Variants in PAPSS1 observed in about 807,000 individuals in gnomAD.
The protein encoded by PAPSS1 is bifunctional 3'-phosphoadenosine 5'-phosphosulfate synthase 1.
In PAPSS1, 50 loss-of-function variants were observed where a neutral mutation model predicts 72.0. The observed-to-expected ratio is 0.69, with a 90% confidence interval of 0.55 to 0.88. PAPSS1 has a LOEUF of 0.88. Among genes scored for constraint, PAPSS1 ranks in the 40% least tolerant of loss-of-function variants. The pLI is 0.00. For synonymous variants in PAPSS1, 261 were observed against 263.6 expected, an observed-to-expected ratio of 0.99 and a Z score of 0.09; for missense variants, 657 against 782.2, an observed-to-expected ratio of 0.84 and a Z score of 1.91.
At chr4:107,693,488 T>C (rs541705343) in intron 3 of PAPSS1, among the ~76,000 whole-genome samples, 6 of 152,330 alleles carry the variant, frequency 3.9e-5, no homozygotes, top group East Asian at 3.9e-4. Context: ...AGTTGAAAAG[T>C]TGAGCCTGAA....
chr4:107,641,577 TA>T, intron 10 of PAPSS1, among the ~76,000 whole-genome samples: 1 of 152,350 alleles, frequency 6.6e-6, no homozygotes, highest in Non-Finnish European at 1.5e-5. Context: ...AAAACAAGAA[TA>T]AAACCTTCCT....
chr4:107,634,721 T>C (rs1018252535), intron 10 of PAPSS1, among the ~76,000 whole-genome samples: 1 of 151,564 alleles, frequency 6.6e-6, no homozygotes, highest in Non-Finnish European at 1.5e-5. Flanking sequence ...TTACACAAGT[T>C]GGAAAAAAAA....
chr4:107,655,525 GCA>G (rs992599546), intron 7 of PAPSS1, among the ~76,000 whole-genome samples: 18 of 152,098 alleles, frequency 1.2e-4, no homozygotes, highest in Non-Finnish European at 4.4e-5. Context: ...GATACTAAAG[GCA>G]CAGTCTCAGC....
At chr4:107,718,185 G>A (rs935815031) in intron 1 of PAPSS1, among the ~76,000 whole-genome samples, 1 of 152,158 alleles carries the variant, frequency 6.6e-6, no homozygotes, top group Non-Finnish European at 1.5e-5. Flanking sequence ...ATATGAGAGA[G>A]GAAGAGATGA....
intron 4 of PAPSS1, among the ~76,000 whole-genome samples, chr4:107,683,113 T>C (rs1391532919): frequency 1.3e-5 from 2 of 152,194 alleles, no homozygotes; most frequent in Admixed American, 6.6e-5. Flanking sequence ...CATTCAAGGC[T>C]TGTCTATCTC....
intron 5 of PAPSS1, among the ~76,000 whole-genome samples, chr4:107,678,471 G>C (rs1727719527): frequency 6.6e-6 from 1 of 152,186 alleles, no homozygotes; most frequent in East Asian, 1.9e-4. Flanking sequence ...GTGAAAAAAA[G>C]CAGTGAGATG....
At chr4:107,711,065 A>G (rs1451184774) in intron 1 of PAPSS1, among the ~76,000 whole-genome samples, 1 of 152,222 alleles carries the variant, frequency 6.6e-6, no homozygotes, top group African/African-American at 2.4e-5. Flanking sequence ...ATTTTCCACA[A>G]TGCCCAACCT....
At chr4:107,676,590 A>G (rs563677376) in intron 5 of PAPSS1, among the ~76,000 whole-genome samples, 21 of 152,286 alleles carry the variant, frequency 1.4e-4, no homozygotes, top group African/African-American at 2.6e-4. Flanking sequence ...AATCAATATC[A>G]TGAAAATGGC....
chr4:107,619,921 T>C (rs1353890274), intron 11 of PAPSS1, among the ~76,000 whole-genome samples: 2 of 152,190 alleles, frequency 1.3e-5, no homozygotes, highest in African/African-American at 4.8e-5. Context: ...TGTGAAACCC[T>C]TCATAACATA....
Position 107,614,190 on chromosome 4 carries a change from T to A in PAPSS1, c.*59A>T. ...ACCACAAAGAAATGCCAACAGAGACTATGTGGTCCCCTCTTGTTACTAGTA... is the reference window on the plus strand; with the variant it reads ...ACCACAAAGAAATGCCAACAGAGACAATGTGGTCCCCTCTTGTTACTAGTA... On this transcript the variant is annotated 3_prime_UTR_variant, in exon 12 of 12. Coordinates refer to ENST00000265174, the MANE Select transcript of PAPSS1 (RefSeq NM_005443.5). 2 of 1,522,176 alleles carry A rather than the reference T, an allele frequency of 1.3e-6. No homozygotes were observed. Among genetic ancestry groups the A allele is most frequent in the Non-Finnish European group, 1.8e-6 (2 of 1,112,064 alleles). The allele number at this position is 1,522,176 out of a possible 1,614,324, so 94.3% of individuals were successfully genotyped here. A position where few individuals can be genotyped will look rare whatever the true frequency, so the allele number is the denominator to read the frequency against.
chr4:107,681,331 G>A (rs966950763), intron 5 of PAPSS1, among the ~76,000 whole-genome samples: 2 of 152,138 alleles, frequency 1.3e-5, no homozygotes, highest in African/African-American at 4.8e-5. Context: ...CCCACATAGA[G>A]GCCAGATCCT....
intron 3 of PAPSS1, among the ~76,000 whole-genome samples, chr4:107,691,950 T>G (rs754062431): frequency 5.2e-5 from 7 of 133,450 alleles, no homozygotes; most frequent in African/African-American, 1.6e-4. Flanking sequence ...TGGGAAAGGA[T>G]TCTCTATTTA....
intron 9 of PAPSS1, among the ~76,000 whole-genome samples, chr4:107,653,098 CATATGAATAT>C (rs1207545595): frequency 4.1e-5 from 6 of 144,780 alleles, no homozygotes; most frequent in Admixed American, 7.0e-5. Flanking sequence ...TATATGAATA[CATATGAATAT>C]ATATGAATAT....
intron 2 of PAPSS1, among the ~76,000 whole-genome samples, chr4:107,700,931 GCTAT>G (rs762104321): frequency 2.4e-4 from 36 of 151,866 alleles, no homozygotes; most frequent in Non-Finnish European, 4.6e-4. Context: ...AATTTAATGT[GCTAT>G]CTATGAAAAA....
chr4:107,640,279 T>C (rs190119704), intron 10 of PAPSS1, among the ~76,000 whole-genome samples: 1 of 152,272 alleles, frequency 6.6e-6, no homozygotes, highest in African/African-American at 2.4e-5. Context: ...CCTCGCCTCC[T>C]CCATTCCTGA....
rs11395725 is a variant in PAPSS1 at position 107,626,177 on chromosome 4, C to CAA, written c.1736+5452_1736+5453dup. ...TGGGCAAAAGAGTGAGACTCTGTCT[C>CAA]AAAAAAAAAAAAAAAAAGTATACTC... On this transcript the variant is annotated intron_variant, in intron 11 of 11. Transcript: ENST00000265174. Among the ~76,000 whole-genome samples the CAA allele has an allele frequency of 2.1e-3, 206 of 97,564 alleles. 1 individual carries two copies. The highest frequency in any genetic ancestry group is 9.3e-3 in the East Asian group (35 of 3,762). 64.0% of individuals were successfully genotyped at this position (97,564 alleles called of 152,430 possible).
At chr4:107,689,178 T>A (rs1323706677) in intron 3 of PAPSS1, among the ~76,000 whole-genome samples, 2 of 152,182 alleles carry the variant, frequency 1.3e-5, no homozygotes, top group African/African-American at 4.8e-5. Flanking sequence ...AATCTGACCA[T>A]CCTACTGAAC....
rs757645356 is a variant in PAPSS1, at chr4:107,687,189, AT to A, written c.412-13del. 28 of 1,542,248 alleles carry A rather than the reference AT, an allele frequency of 1.8e-5. No homozygotes were observed. The highest frequency in any genetic ancestry group is 1.4e-4 in the Admixed American group (6 of 42,270). ...GCATTGTTGCGATCCTTAAAAAAAA[AT>A]AAAATAAAAAGTGATCACACAAATC... On this transcript the variant is annotated splice_polypyrimidine_tract_variant and intron_variant, in intron 3 of 11. Transcript: ENST00000265174.
chr4:107,691,918 C>T (rs1376218978), intron 3 of PAPSS1, among the ~76,000 whole-genome samples: 1 of 151,992 alleles, frequency 6.6e-6, no homozygotes, highest in African/African-American at 2.4e-5. Context: ...TTATCTTTGA[C>T]AAACCTGACA....
Sources: gnomAD v4.1 joint callset for allele counts (sites outside exome capture counted in the v4.1 genomes callset) on GRCh38, gnomAD v4.1.1 for gene constraint, MANE v1.5 for transcripts, NCBI Gene and HGNC (gene_info 2026-07-23, HGNC 2026-07-21) for gene names.